PLPP1: variants seen among roughly 807,000 people sequenced by gnomAD.
The protein encoded by PLPP1 is phospholipid phosphatase 1.
A neutral mutation model predicts 31.2 loss-of-function variants in PLPP1; 24 were observed. The observed-to-expected ratio is 0.77, with a 90% CI of 0.56 to 1.08. The LOEUF (loss-of-function observed/expected upper bound fraction) is 1.08, where lower values mean the gene tolerates loss of function less well. PLPP1 is among the 50% of genes least tolerant of loss of function. The pLI, the probability that PLPP1 is intolerant of heterozygous loss-of-function variation, is 0.00. For missense variants in PLPP1, 319 were observed against 342.7 expected (o/e 0.93, Z 0.55); for synonymous variants, 146 against 126.3 (o/e 1.16, Z -1.05).
intron 3 of PLPP1, among the ~76,000 whole-genome samples, chr5:55,444,910 C>T (rs936291145): frequency 6.6e-6 from 1 of 151,990 alleles, no homozygotes; most frequent in Admixed American, 6.6e-5. Flanking sequence ...CCACCACGCC[C>T]AGCTAATTGT....
intron 1 of PLPP1, among the ~76,000 whole-genome samples, chr5:55,516,844 A>G (rs910177369): frequency 6.6e-6 from 1 of 152,254 alleles, no homozygotes; most frequent in Non-Finnish European, 1.5e-5. Flanking sequence ...GAATCATCCT[A>G]GCATTCTAAG....
At chr5:55,449,119 GCT>G (rs1292908434) in intron 3 of PLPP1, among the ~76,000 whole-genome samples, 5 of 152,126 alleles carry the variant, frequency 3.3e-5, no homozygotes, top group Admixed American at 3.3e-4. Flanking sequence ...AAAATGAATA[GCT>G]CTATGTGAAC....
intron 4 of PLPP1, among the ~76,000 whole-genome samples, chr5:55,434,044 G>T (rs1007873370): frequency 2.7e-5 from 4 of 150,890 alleles, no homozygotes; most frequent in Admixed American, 2.6e-4. Flanking sequence ...AGGGAGAATC[G>T]CTTGAACTTA....
At chr5:55,527,082 G>C (rs940692865) in intron 1 of PLPP1, among the ~76,000 whole-genome samples, 1 of 152,050 alleles carries the variant, frequency 6.6e-6, no homozygotes, top group Non-Finnish European at 1.5e-5. Flanking sequence ...TACTGAATAT[G>C]AGTGAATGAA....
rs1478700883 is a variant in PLPP1 at position 55,443,196 on chromosome 5, T to A, written c.492-1288A>T. ...ATTACTTAAAAAAAAAAAAAAAATA[T>A]ATATATATATATATATACACACACA... is the stretch of plus-strand genomic sequence containing the variant. On this transcript the variant is annotated intron_variant, in intron 3 of 5. Transcript: ENST00000307259. Among the ~76,000 whole-genome samples, 712 of 73,050 alleles carry A rather than the reference T, an allele frequency of 9.7e-3. 3 individuals carry two copies. Among genetic ancestry groups the A allele is most frequent in the African/African-American group, 0.023 (428 of 18,596 alleles). 47.9% of individuals were successfully genotyped at this position (73,050 alleles called of 152,430 possible). A position where few individuals can be genotyped will look rare whatever the true frequency, so the allele number is the denominator to read the frequency against.
chr5:55,530,396 A>G (rs941621620), intron 1 of PLPP1: 1 of 1,300,200 alleles, frequency 7.7e-7, no homozygotes, highest in Non-Finnish European at 1.1e-6. Context: ...CTCTGGTAAA[A>G]TTTGATTCTT....
At chr5:55,448,103 A>C (rs1425109601) in intron 3 of PLPP1, among the ~76,000 whole-genome samples, 1 of 152,222 alleles carries the variant, frequency 6.6e-6, no homozygotes, top group Non-Finnish European at 1.5e-5. Context: ...ATGAGCAATG[A>C]CCTCTTAATG....
rs534837607 is a variant in PLPP1 at position 55,468,229 on chromosome 5, G to A, written c.211-80C>T. On this transcript the variant is annotated intron_variant, in intron 2 of 5. Coordinates refer to ENST00000307259, the MANE Select transcript of PLPP1 (RefSeq NM_003711.4). ...AAAACAAAACATAGGGGGAAAAAAGGAAATGGTAAATCGCAAAAATATCTT... is the reference window on the plus strand; with the variant it reads ...AAAACAAAACATAGGGGGAAAAAAGAAAATGGTAAATCGCAAAAATATCTT... The A allele has an allele frequency of 4.1e-4, 536 of 1,318,868 alleles. 4 individuals are homozygous for A. The South Asian group carries it at 7.2e-3, about 18-fold the overall frequency. The allele number at this position is 1,318,868 out of a possible 1,614,324, so 81.7% of individuals were successfully genotyped here. A position where few individuals can be genotyped will look rare whatever the true frequency, so the allele number is the denominator to read the frequency against.
At chr5:55,441,814 C>T in intron 4 of PLPP1, 37 bp downstream of exon 4, 1 of 1,588,560 alleles carries the variant, frequency 6.3e-7, no homozygotes, top group South Asian at 1.1e-5. Flanking sequence ...TTCCATGCAG[C>T]ACATAACCTA....
At chr5:55,530,330 T>A (rs1740615645) in intron 1 of PLPP1, 1 of 1,429,990 alleles carries the variant, frequency 7.0e-7, no homozygotes, top group African/African-American at 1.4e-5. Context: ...AAATAGGACA[T>A]GTCACAGGAA....
intron 1 of PLPP1, among the ~76,000 whole-genome samples, chr5:55,523,229 C>T (rs998718912): frequency 2.6e-5 from 4 of 151,962 alleles, no homozygotes; most frequent in South Asian, 2.1e-4. Flanking sequence ...CTTTGTGTTA[C>T]GAACAATCCA....
chr5:55,483,060 C>G (rs2111830788), intron 1 of PLPP1, among the ~76,000 whole-genome samples: 1 of 152,162 alleles, frequency 6.6e-6, no homozygotes, highest in South Asian at 2.1e-4. Flanking sequence ...AACAATTCAA[C>G]CCAAAAAATG....
intron 1 of PLPP1, among the ~76,000 whole-genome samples, chr5:55,529,080 A>G (rs527710524): frequency 1.3e-5 from 2 of 152,222 alleles, no homozygotes; most frequent in South Asian, 4.2e-4. Flanking sequence ...CTAAGGTGTA[A>G]TAGCAGCCAA....
intron 3 of PLPP1, among the ~76,000 whole-genome samples, chr5:55,450,122 G>C (rs1421953749): frequency 2.0e-5 from 3 of 151,958 alleles, no homozygotes; most frequent in African/African-American, 4.8e-5. Flanking sequence ...CTATTATATA[G>C]GTCAATTTTA....
At chr5:55,433,323 C>T (rs1343290256) in intron 4 of PLPP1, among the ~76,000 whole-genome samples, 3 of 143,990 alleles carry the variant, frequency 2.1e-5, no homozygotes, top group East Asian at 2.1e-4. Flanking sequence ...GACCCAGTCT[C>T]GAAAAGAAAA....
intron 3 of PLPP1, among the ~76,000 whole-genome samples, chr5:55,467,312 A>G (rs1034672526): frequency 2.6e-5 from 4 of 152,138 alleles, no homozygotes; most frequent in Non-Finnish European, 4.4e-5. Context: ...TCATTTAAGT[A>G]TTGTCTATGG....
At chr5:55,516,083 T>C (rs1400061196) in intron 1 of PLPP1, among the ~76,000 whole-genome samples, 1 of 152,156 alleles carries the variant, frequency 6.6e-6, no homozygotes, top group East Asian at 1.9e-4. Flanking sequence ...TCTGTTCAAT[T>C]ATACAAGCCA....
intron 5 of PLPP1, 145 bp downstream of exon 5, chr5:55,425,717 TC>T (rs1751167050): frequency 1.4e-6 from 1 of 709,614 alleles, no homozygotes; most frequent in Admixed American, 3.6e-5. Context: ...CTGGTGTGTA[TC>T]CTGAAGTGAC....
At chr5:55,533,146 G>A (rs1740737583) in intron 1 of PLPP1, among the ~76,000 whole-genome samples, 1 of 151,926 alleles carries the variant, frequency 6.6e-6, no homozygotes, top group South Asian at 2.1e-4. Context: ...CACTTTGGGA[G>A]GCTGAGACAG....
Sources: allele counts gnomAD v4.1 joint callset (sites outside exome capture counted in the v4.1 genomes callset), GRCh38; gene constraint gnomAD v4.1.1; transcripts MANE v1.5; gene names NCBI Gene and HGNC (gene_info 2026-07-23, HGNC 2026-07-21).